Variants in CCDC88A observed in about 807,000 individuals in gnomAD.
CCDC88A encodes the protein girdin.
CCDC88A carries 54 observed loss-of-function variants against 234.3 expected under a neutral mutation model. The ratio of observed to expected loss-of-function variants is 0.23; its 90% CI spans 0.19 to 0.29. CCDC88A has a LOEUF of 0.29. Among genes scored for constraint, CCDC88A ranks in the 10% least tolerant of loss-of-function variants. The probability of loss-of-function intolerance (pLI) is 1.00; values close to 1 mark genes in which losing one functional copy is unlikely to be tolerated. For missense variants in CCDC88A, 1,832 were observed against 2,123.4 expected (o/e 0.86, Z 2.70); for synonymous variants, 753 against 737.8 (o/e 1.02, Z -0.33).
intron 13 of CCDC88A, among the ~76,000 whole-genome samples, chr2:55,338,728 A>T (rs1258621690): frequency 6.6e-6 from 1 of 152,216 alleles, no homozygotes; most frequent in East Asian, 1.9e-4. Flanking sequence ...TGCTAAGGCC[A>T]TGTCATAAGG....
At chr2:55,391,313 C>T (rs971904180) in intron 2 of CCDC88A, among the ~76,000 whole-genome samples, 5 of 151,984 alleles carry the variant, frequency 3.3e-5, no homozygotes, top group Non-Finnish European at 5.9e-5. Context: ...TGACAACCTG[C>T]CAAAACAAAG....
chr2:55,339,747 A>T, intron 12 of CCDC88A, 99 bp from the exon 13 acceptor site: 2 of 815,484 alleles, frequency 2.5e-6, no homozygotes, highest in Non-Finnish European at 3.7e-6. Context: ...GCATTGCATC[A>T]TCTGATCCTT....
At chr2:55,316,622 C>A (rs1683013463) in intron 21 of CCDC88A, among the ~76,000 whole-genome samples, 1 of 152,090 alleles carries the variant, frequency 6.6e-6, no homozygotes, top group South Asian at 2.1e-4. Context: ...GCAGTTCCAG[C>A]TACCTGAGGG....
intron 31 of CCDC88A, chr2:55,295,275 G>A: frequency 2.9e-6 from 4 of 1,390,636 alleles, no homozygotes; most frequent in Non-Finnish European, 3.8e-6. Flanking sequence ...AGCCTGGTCA[G>A]TTATTCTGAT....
At chr2:55,341,538 G>A (rs376938099) in intron 12 of CCDC88A, among the ~76,000 whole-genome samples, 5 of 150,852 alleles carry the variant, frequency 3.3e-5, no homozygotes, top group African/African-American at 9.8e-5. Context: ...TCTGCCTCAC[G>A]GGTTCAAGAG....
chr2:55,418,698 A>G, intron 2 of CCDC88A, 118 bp downstream of exon 2: 1 of 728,720 alleles, frequency 1.4e-6, no homozygotes, highest in Non-Finnish European at 2.4e-6. Context: ...CAATTCTTAA[A>G]CCACCTGAAT....
chr2:55,329,786 G>T (rs1439936810), intron 16 of CCDC88A: 1 of 152,254 alleles, frequency 6.6e-6, no homozygotes, highest in Non-Finnish European at 1.5e-5. Context: ...TAGAGACAGA[G>T]TCTCACTCTG....
intron 2 of CCDC88A, among the ~76,000 whole-genome samples, chr2:55,395,378 A>G (rs1161821382): frequency 2.0e-5 from 3 of 152,200 alleles, no homozygotes; most frequent in Non-Finnish European, 4.4e-5. Context: ...GTCCTAGACT[A>G]TATACTCTCT....
intron 8 of CCDC88A, 190 bp from the exon 9 acceptor site, chr2:55,349,789 C>T (rs1473489353): frequency 4.1e-6 from 2 of 489,024 alleles, no homozygotes; most frequent in Admixed American, 3.8e-5. Flanking sequence ...ATTAATAAAA[C>T]CTCTTCCCTA....
At chr2:55,299,630 T>C (rs768184372) in intron 29 of CCDC88A, among the ~76,000 whole-genome samples, 1 of 152,198 alleles carries the variant, frequency 6.6e-6, no homozygotes, top group Non-Finnish European at 1.5e-5. Context: ...GATGAAAAAG[T>C]GAAACTAAAT....
At chr2:55,409,419 C>T (rs886256307) in intron 2 of CCDC88A, among the ~76,000 whole-genome samples, 39 of 152,082 alleles carry the variant, frequency 2.6e-4, no homozygotes, top group Non-Finnish European at 5.3e-4. Flanking sequence ...CCTTTCTGTG[C>T]GAACACTGTC....
At position 55,408,568 on chromosome 2, in the gene CCDC88A, A is replaced by G. The variant is rs374234672; in HGVS notation, c.164+10248T>C. Among the ~76,000 whole-genome samples, 52 of 152,236 alleles carry G rather than the reference A, an allele frequency of 3.4e-4. No homozygotes were observed. The East Asian group carries it at 6.4e-3, about 19-fold the overall frequency. ...TCACTGCTACACTCCTACCAGTGCCATGACAGTTTACAAATGCCATGGCAA... is the reference window on the plus strand; with the variant it reads ...TCACTGCTACACTCCTACCAGTGCCGTGACAGTTTACAAATGCCATGGCAA... On this transcript the variant is annotated intron_variant, in intron 2 of 32. Transcript: ENST00000436346.
In CCDC88A at chr2:55,419,328, G is replaced by A; in HGVS notation, c.-249C>T. ...GCCTGCGCTGGAAATGTCTGTACCG[G>A]GCGAGGAGGGGCAGAGAAAAGGCAT... On this transcript the variant is annotated 5_prime_UTR_variant, in exon 1 of 33. Coordinates refer to ENST00000436346, the MANE Select transcript of CCDC88A (RefSeq NM_001365480.1). 2.2e-6 allele frequency: 1 copy of A among 463,112 alleles called. No homozygotes were observed. The highest frequency in any genetic ancestry group is 3.9e-5 in the East Asian group (1 of 25,672). 28.7% of individuals were successfully genotyped at this position (463,112 alleles called of 1,614,324 possible). A position where few individuals can be genotyped will look rare whatever the true frequency, so the allele number is the denominator to read the frequency against.
At chr2:55,353,019 A>G (rs1350127044) in intron 8 of CCDC88A, among the ~76,000 whole-genome samples, 2 of 152,184 alleles carry the variant, frequency 1.3e-5, no homozygotes, top group Non-Finnish European at 2.9e-5. Flanking sequence ...TCAAAGGGCA[A>G]TGAAGATATT....
rs946803779 is a variant in CCDC88A at position 55,306,476 on chromosome 2, C to A, written c.4387+2333G>T. ...ATATACATATATGTGTGTATATGTA[C>A]ATATATATACCTGTGTGTGTATATA... On this transcript the variant is annotated intron_variant, in intron 25 of 32. Transcript: ENST00000436346. 2.6e-5 allele frequency among the ~76,000 whole-genome samples: 4 copies of A among 152,128 alleles called. No individual in the cohort carries two copies. In the East Asian group the frequency reaches 7.7e-4, roughly 29 times the overall value.
chr2:55,364,179 T>C (rs1380863097), intron 5 of CCDC88A, 146 bp from the exon 6 acceptor site: 1 of 478,566 alleles, frequency 2.1e-6, no homozygotes, highest in East Asian at 3.4e-5. Context: ...CCAACATACT[T>C]ACCTAATAAA....
At chr2:55,401,433 C>CAAA (rs1418741634) in intron 2 of CCDC88A, among the ~76,000 whole-genome samples, 4,092 of 29,528 alleles carry the variant, frequency 0.14, 4 homozygotes, top group Middle Eastern at 0.18. Flanking sequence ...GACTCTGTCT[C>CAAA]CAAAAAAAAA....
intron 3 of CCDC88A, among the ~76,000 whole-genome samples, chr2:55,384,642 TATATATACA>T (rs1675279345): frequency 2.7e-5 from 1 of 37,192 alleles, no homozygotes; most frequent in African/African-American, 1.3e-4. Context: ...TATATATGTG[TATATATACA>T]TATATATATA....
At chr2:55,307,623 G>C (rs566121415) in intron 25 of CCDC88A, among the ~76,000 whole-genome samples, 1 of 151,936 alleles carries the variant, frequency 6.6e-6, no homozygotes, top group Non-Finnish European at 1.5e-5. Context: ...CAAAGTGCTG[G>C]GATTACAGGC....
Sources: allele counts gnomAD v4.1 joint callset (sites outside exome capture counted in the v4.1 genomes callset), GRCh38; gene constraint gnomAD v4.1.1; transcripts MANE v1.5; gene names NCBI Gene and HGNC (gene_info 2026-07-23, HGNC 2026-07-21).